The following KMT2C variants were observed in gnomAD, a reference collection of about 807,000 sequenced individuals.
KMT2C encodes lysine methyltransferase 2C.
In KMT2C, 88 loss-of-function variants were observed where a neutral mutation model predicts 507.9. That is an observed-to-expected ratio of 0.17 (90% confidence interval 0.15 to 0.21). KMT2C has a LOEUF of 0.21. Ranked by LOEUF, KMT2C falls within the 10% of genes least tolerant of loss-of-function variation. The pLI is 1.00. For synonymous variants in KMT2C, 2,049 were observed against 2,080.8 expected (o/e 0.98, Z 0.42); for missense variants, 4,954 against 5,957.8 (o/e 0.83, Z 5.55).
chr7:152,330,905 T>C (rs372132135), intron 2 of KMT2C, among the ~76,000 whole-genome samples, 166 bp from the exon 3 acceptor site: 2 of 152,230 alleles, frequency 1.3e-5, no homozygotes, highest in African/African-American at 4.8e-5. Context: ...GTATTGTGCA[T>C]CTTTATTCTC....
intron 3 of KMT2C, among the ~76,000 whole-genome samples, chr7:152,316,063 A>G (rs1445140041): frequency 3.3e-5 from 5 of 152,152 alleles, no homozygotes; most frequent in Non-Finnish European, 7.4e-5. Context: ...TATACCACAC[A>G]CATGCATACA....
intron 2 of KMT2C, among the ~76,000 whole-genome samples, chr7:152,354,792 C>T (rs1476198957): frequency 6.6e-6 from 1 of 152,126 alleles, no homozygotes; most frequent in African/African-American, 2.4e-5. Flanking sequence ...ACATAAGATA[C>T]GGTTATACAA....
intron 1 of KMT2C, among the ~76,000 whole-genome samples, chr7:152,435,269 C>T (rs1343406965): frequency 6.6e-6 from 1 of 152,028 alleles, no homozygotes; most frequent in East Asian, 1.9e-4. Context: ...TACCTGGGCG[C>T]GCTCCGGGCT....
intron 27 of KMT2C, among the ~76,000 whole-genome samples, chr7:152,197,135 C>T (rs1224380772): frequency 6.6e-6 from 1 of 152,068 alleles, no homozygotes; most frequent in Admixed American, 6.5e-5. Context: ...CTGGTGCAGT[C>T]TGAGAGGTGA....
intron 6 of KMT2C, among the ~76,000 whole-genome samples, chr7:152,277,927 T>C (rs2096115574): frequency 6.6e-6 from 1 of 152,212 alleles, no homozygotes; most frequent in Non-Finnish European, 1.5e-5. Flanking sequence ...ATATACTACA[T>C]AACACATATA....
At chr7:152,195,482 C>T (rs1384698913) in intron 28 of KMT2C, 1 of 943,808 alleles carries the variant, frequency 1.1e-6, no homozygotes, top group Non-Finnish European at 1.3e-6. Context: ...AAAAAGAAGA[C>T]TACTTCTAGT....
At chr7:152,354,150 AG>A (rs1212106688) in intron 2 of KMT2C, among the ~76,000 whole-genome samples, 5 of 152,156 alleles carry the variant, frequency 3.3e-5, no homozygotes, top group African/African-American at 2.4e-5. Flanking sequence ...TAAAAAAAAT[AG>A]TTTTCTGCTC....
chr7:152,340,767 CTGTTA>C (rs1374075364), intron 2 of KMT2C, among the ~76,000 whole-genome samples: 1 of 152,028 alleles, frequency 6.6e-6, no homozygotes, highest in Admixed American at 6.6e-5. Flanking sequence ...ATATACATTA[CTGTTA>C]TAATATTTAA....
intron 42 of KMT2C, among the ~76,000 whole-genome samples, chr7:152,165,813 C>T (rs1159870861): frequency 4.6e-5 from 7 of 152,148 alleles, no homozygotes; most frequent in Admixed American, 4.6e-4. Flanking sequence ...CTCAACCTCC[C>T]AAGCAGCTGG....
chr7:152,314,059 C>CACACATCTAAATAAAGA (rs1249877740), intron 4 of KMT2C, among the ~76,000 whole-genome samples: 1 of 152,082 alleles, frequency 6.6e-6, no homozygotes, highest in South Asian at 2.1e-4. Context: ...ACTCAACTGA[C>CACACATCTAAATAAAGA]AACTAAAGAA....
chr7:152,338,475 AG>A lies in KMT2C; in HGVS notation c.251-7737del, dbSNP rs571238699. Among the ~76,000 whole-genome samples the A allele has an allele frequency of 8.5e-5, 13 of 152,324 alleles. No homozygotes were observed. The South Asian group carries it at 1.2e-3, about 15-fold the overall frequency. The stretch of plus-strand genomic sequence containing the variant: ...TAAGCACATGGCATGATGGGAGTTA[AG>A]GGGAAGAGGTGGGGAATACAGCTCA... On this transcript the variant is annotated intron_variant, in intron 2 of 58. Transcript: ENST00000262189.
At chr7:152,359,311 C>T in intron 1 of KMT2C, among the ~76,000 whole-genome samples, 1 of 148,932 alleles carries the variant, frequency 6.7e-6, no homozygotes, top group Non-Finnish European at 1.5e-5. Context: ...AAAACTAATG[C>T]CTTTAAATTC....
chr7:152,409,476 G>C (rs2097658268), intron 1 of KMT2C, among the ~76,000 whole-genome samples: 1 of 151,874 alleles, frequency 6.6e-6, no homozygotes, highest in South Asian at 2.1e-4. Flanking sequence ...CCAGCATTTT[G>C]GGAGGCCGAG....
At chr7:152,323,953 T>G (rs1325818104) in intron 3 of KMT2C, among the ~76,000 whole-genome samples, 3 of 151,618 alleles carry the variant, frequency 2.0e-5, no homozygotes, top group Non-Finnish European at 2.9e-5. Context: ...TACGGCATGA[T>G]CTCACTTATA....
chr7:152,175,713 G>A (rs1200482404), intron 38 of KMT2C, among the ~76,000 whole-genome samples: 1 of 152,124 alleles, frequency 6.6e-6, no homozygotes, highest in Non-Finnish European at 1.5e-5. Context: ...TTACAGCCGT[G>A]AGCCACTGTG....
chr7:152,397,349 T>G (rs1012726734), intron 1 of KMT2C, among the ~76,000 whole-genome samples: 1 of 152,060 alleles, frequency 6.6e-6, no homozygotes, highest in Non-Finnish European at 1.5e-5. Context: ...TCTGATTGCC[T>G]TTCTCCTCTG....
At chr7:152,331,195 C>A (rs2096878872) in intron 2 of KMT2C, among the ~76,000 whole-genome samples, 1 of 151,974 alleles carries the variant, frequency 6.6e-6, no homozygotes, top group Admixed American at 6.6e-5. Flanking sequence ...ATAATGTCAG[C>A]TACTCAGGAG....
intron 24 of KMT2C, among the ~76,000 whole-genome samples, chr7:152,206,488 A>T (rs1034014061): frequency 1.1e-4 from 16 of 152,182 alleles, no homozygotes; most frequent in African/African-American, 3.9e-4. Flanking sequence ...ATACGAATGA[A>T]GTAAGAAAGT....
intron 40 of KMT2C, among the ~76,000 whole-genome samples, chr7:152,170,780 A>G (rs1016544204): frequency 1.3e-5 from 2 of 152,150 alleles, no homozygotes; most frequent in Non-Finnish European, 2.9e-5. Flanking sequence ...GGATTAGAGG[A>G]GTGAGCCACC....
Sources: allele counts gnomAD v4.1 joint callset (sites outside exome capture counted in the v4.1 genomes callset), GRCh38; gene constraint gnomAD v4.1.1; transcripts MANE v1.5; gene names NCBI Gene and HGNC (gene_info 2026-07-23, HGNC 2026-07-21).